Variants in SPINK8 observed in about 807,000 individuals in gnomAD.
SPINK8 encodes serine protease inhibitor Kazal-type 8.
A neutral mutation model predicts 14.4 loss-of-function variants in SPINK8; 12 were observed. That is an observed-to-expected ratio of 0.83 (90% CI 0.53 to 1.35). The LOEUF (loss-of-function observed/expected upper bound fraction) is 1.35, where lower values mean the gene tolerates loss of function less well. Ranked by LOEUF, SPINK8 falls within the 40% of genes most tolerant of loss-of-function variation. The pLI, the probability that SPINK8 is intolerant of heterozygous loss-of-function variation, is 0.00. For missense variants in SPINK8, 103 were observed against 117.0 expected, an observed-to-expected ratio of 0.88 and a Z score of 0.55; for synonymous variants, 32 against 37.6, an observed-to-expected ratio of 0.85 and a Z score of 0.55.
intron 2 of SPINK8, among the ~76,000 whole-genome samples, chr3:48,331,934 G>C (rs912340616): frequency 6.6e-6 from 1 of 152,198 alleles, no homozygotes; most frequent in Non-Finnish European, 1.5e-5. Context: ...AGGGGCTGGC[G>C]CTTGCCCCAG....
chr3:48,311,318 A>G (rs2035922707), intron 6 of SPINK8, among the ~76,000 whole-genome samples: 1 of 152,232 alleles, frequency 6.6e-6, no homozygotes, highest in Non-Finnish European at 1.5e-5. Flanking sequence ...AAAGACCTGT[A>G]TAAGATCAGG....
At chr3:48,308,158 G>A (rs2035875677) in intron 7 of SPINK8, among the ~76,000 whole-genome samples, 2 of 151,236 alleles carry the variant, frequency 1.3e-5, no homozygotes, top group African/African-American at 4.9e-5. Flanking sequence ...TGTATTTTTA[G>A]TAGAGATGGG....
intron 6 of SPINK8, among the ~76,000 whole-genome samples, 162 bp from the exon 7 acceptor site, chr3:48,310,108 T>A (rs1252211271): frequency 1.3e-5 from 2 of 152,200 alleles, no homozygotes; most frequent in Admixed American, 6.5e-5. Context: ...AATTTTTATT[T>A]GTCAAAGACA....
chr3:48,321,192 G>C, intron 4 of SPINK8, 118 bp from the exon 5 acceptor site: 4 of 932,222 alleles, frequency 4.3e-6, no homozygotes, highest in Non-Finnish European at 6.2e-6. Context: ...CATCAGAAGA[G>C]GCTGGGCTCC....
At chr3:48,319,651 A>G (rs887519986) in intron 5 of SPINK8, 33 bp from the exon 6 acceptor site, 2 of 1,613,120 alleles carry the variant, frequency 1.2e-6, no homozygotes, top group Non-Finnish European at 1.7e-6. Context: ...TGCTTCAGAC[A>G]CTTTCATCCA....
chr3:48,321,835 CAG>C (rs2036080430), intron 4 of SPINK8, among the ~76,000 whole-genome samples: 2 of 151,718 alleles, frequency 1.3e-5, no homozygotes, highest in African/African-American at 4.8e-5. Context: ...AGTTTTCAGA[CAG>C]AGTCTTGCTC....
chr3:48,307,279 A>C (rs1301016044), intron 7 of SPINK8, among the ~76,000 whole-genome samples: 2 of 152,118 alleles, frequency 1.3e-5, no homozygotes, highest in Non-Finnish European at 2.9e-5. Flanking sequence ...TGGAGTTGAC[A>C]TGAAGCAGGG....
At chr3:48,331,460 C>T (rs572946954) in intron 2 of SPINK8, among the ~76,000 whole-genome samples, 381 of 152,264 alleles carry the variant, frequency 2.5e-3, no homozygotes, top group Non-Finnish European at 4.0e-3. Context: ...ACTGCCACCT[C>T]TTTAGGTTTC....
intron 5 of SPINK8, among the ~76,000 whole-genome samples, chr3:48,320,531 G>C (rs149431279): frequency 0.01 from 1,525 of 151,500 alleles, 25 homozygotes; most frequent in African/African-American, 0.035. Flanking sequence ...CTGGGCAACA[G>C]AGCAAGACTC....
At chr3:48,317,142 T>C (rs2036003783) in intron 6 of SPINK8, among the ~76,000 whole-genome samples, 1 of 152,212 alleles carries the variant, frequency 6.6e-6, no homozygotes, top group African/African-American at 2.4e-5. Flanking sequence ...AAGCTGTAAT[T>C]TGTATAACAA....
At chr3:48,326,318 T>C (rs930087538) in intron 4 of SPINK8, among the ~76,000 whole-genome samples, 13 of 152,196 alleles carry the variant, frequency 8.5e-5, no homozygotes, top group African/African-American at 3.1e-4. Flanking sequence ...TATCAAAATG[T>C]GTGGTCTGGC....
chr3:48,309,638 T>C (rs1478999288), intron 7 of SPINK8, among the ~76,000 whole-genome samples: 2 of 152,182 alleles, frequency 1.3e-5, no homozygotes, highest in Non-Finnish European at 2.9e-5. Context: ...CTGAAGTATG[T>C]AGGAGTGAAT....
rs4543035 is a variant in SPINK8, at chr3:48,327,911, G to A, written c.67+364C>T. ...ATAAGCATGACTTTTGCTAAAACCC[G>A]CCATTAACCAGAATAATATCTGAGT... is the stretch of plus-strand genomic sequence containing the variant. On this transcript the variant is annotated intron_variant, in intron 4 of 7. Coordinates refer to ENST00000434006, the MANE Select transcript of SPINK8 (RefSeq NM_001080525.3). Among the ~76,000 whole-genome samples the A allele has an allele frequency of 4.7e-3, 721 of 152,220 alleles. 3 individuals are homozygous for A. Among genetic ancestry groups the A allele is most frequent in the Non-Finnish European group, 7.7e-3 (521 of 67,996 alleles).
chr3:48,310,134 A>G (rs1345839515), intron 6 of SPINK8, among the ~76,000 whole-genome samples, 188 bp from the exon 7 acceptor site: 1 of 152,214 alleles, frequency 6.6e-6, no homozygotes, highest in Non-Finnish European at 1.5e-5. Flanking sequence ...TATAGAAAAC[A>G]TACTCAGTCT....
chr3:48,332,490 C>CA lies in SPINK8; in HGVS notation c.-241-20dup, dbSNP rs2036277697. ...CCTTTCCCTGTGTTATAGTGGGCAT[C>CA]ATTGAATAATTCATAGGCTTCTTCC... On this transcript the variant is annotated intron_variant, in intron 1 of 7. Coordinates refer to ENST00000434006, the MANE Select transcript of SPINK8 (RefSeq NM_001080525.3). 6.6e-6 allele frequency among the ~76,000 whole-genome samples: 1 copy of CA among 152,158 alleles called. No individual in the cohort carries two copies. Among genetic ancestry groups the CA allele is most frequent in the African/African-American group, 2.4e-5 (1 of 41,434 alleles).
chr3:48,309,040 A>C (rs772002774), intron 7 of SPINK8, among the ~76,000 whole-genome samples: 6 of 152,256 alleles, frequency 3.9e-5, no homozygotes, highest in Non-Finnish European at 8.8e-5. Flanking sequence ...ACTAGAGAAC[A>C]TTCAGGTAAT....
At chr3:48,324,710 G>C (rs2036117242) in intron 4 of SPINK8, among the ~76,000 whole-genome samples, 1 of 152,052 alleles carries the variant, frequency 6.6e-6, no homozygotes, top group Admixed American at 6.5e-5. Flanking sequence ...TATGATCTAG[G>C]ATATGGCCTA....
intron 6 of SPINK8, among the ~76,000 whole-genome samples, chr3:48,319,056 T>C (rs2036033479): frequency 6.6e-6 from 1 of 152,248 alleles, no homozygotes; most frequent in African/African-American, 2.4e-5. Context: ...CAAAAGAAAG[T>C]TGTTTTGGAA....
chr3:48,326,803 T>C (rs1321509219), intron 4 of SPINK8, among the ~76,000 whole-genome samples: 1 of 151,932 alleles, frequency 6.6e-6, no homozygotes, highest in Non-Finnish European at 1.5e-5. Flanking sequence ...TCCAGCCACT[T>C]TGGGGGCTGA....
Sources: allele counts gnomAD v4.1 joint callset (sites outside exome capture counted in the v4.1 genomes callset), GRCh38; gene constraint gnomAD v4.1.1; transcripts MANE v1.5; gene names NCBI Gene and HGNC (gene_info 2026-07-23, HGNC 2026-07-21).